The following CWF19L2 variants were observed in gnomAD, a reference collection of about 807,000 sequenced individuals.
The protein encoded by CWF19L2 is CWF19 like cell cycle control factor 2, also known as CWF19-like protein 2.
CWF19L2 carries 98 observed loss-of-function variants against 111.7 expected under a neutral mutation model. The observed-to-expected ratio is 0.88, with a 90% CI of 0.75 to 1.04. CWF19L2 has a LOEUF of 1.04. Among genes scored for constraint, CWF19L2 ranks in the 50% least tolerant of loss-of-function variants. CWF19L2 has a pLI of 0.00. For missense variants in CWF19L2, 1,101 were observed against 1,051.4 expected, an observed-to-expected ratio of 1.05 and a Z score of -0.65; for synonymous variants, 351 against 342.9, an observed-to-expected ratio of 1.02 and a Z score of -0.26.
intron 6 of CWF19L2, among the ~76,000 whole-genome samples, chr11:107,437,988 C>T (rs1283372055): frequency 6.6e-6 from 1 of 152,050 alleles, no homozygotes; most frequent in Non-Finnish European, 1.5e-5. Context: ...TCAGCAGGGA[C>T]ACTTCTGCCT....
At chr11:107,445,922 C>G (rs373032822) in intron 3 of CWF19L2, among the ~76,000 whole-genome samples, 22 of 151,990 alleles carry the variant, frequency 1.4e-4, no homozygotes, top group African/African-American at 5.3e-4. Context: ...TAGATGTAAA[C>G]AAAAGTATTT....
chr11:107,398,250 A>C (rs1860951517), intron 10 of CWF19L2, among the ~76,000 whole-genome samples: 1 of 152,246 alleles, frequency 6.6e-6, no homozygotes, highest in Admixed American at 6.5e-5. Flanking sequence ...GACCAGAGAA[A>C]GGCAAAGCCC....
intron 12 of CWF19L2, among the ~76,000 whole-genome samples, chr11:107,360,137 T>C (rs899563791): frequency 6.6e-6 from 1 of 152,226 alleles, no homozygotes; most frequent in African/African-American, 2.4e-5. Flanking sequence ...TGAGTCTCTA[T>C]TTTCTATTAT....
chr11:107,390,079 A>G lies in CWF19L2; in HGVS notation c.1867T>C (p.Ser623Pro). The G allele has an allele frequency of 1.2e-6, 2 of 1,612,576 alleles. No homozygotes were observed. The highest frequency in any genetic ancestry group is 8.5e-7 in the Non-Finnish European group (1 of 1,179,330). Residue 623 changes from serine to proline, a missense_variant, in exon 12 of 18, where the codon TCT (serine) becomes CCT (proline). Physicochemically the swap from Ser to Pro is moderately conservative, Grantham distance 74 (BLOSUM62 -1). Coordinates refer to ENST00000282251, the MANE Select transcript of CWF19L2 (RefSeq NM_152434.3). Reference protein sequence around the residue: ...NQNKLFMRMASKFMGKTDGDY... With the variant: ...NQNKLFMRMAPKFMGKTDGDY... The stretch of plus-strand genomic sequence containing the variant: ...ATCCTAGGAATATATCTTACCTTAG[A>G]TGCCATTCTCATAAAGAGCTTGTTT...
intron 12 of CWF19L2, among the ~76,000 whole-genome samples, chr11:107,358,000 T>C (rs1286295702): frequency 6.6e-6 from 1 of 152,130 alleles, no homozygotes; most frequent in African/African-American, 2.4e-5. Flanking sequence ...TTATACAAAA[T>C]CAATTTGGCG....
At chr11:107,330,644 CCACACACACACACA>C (rs56313409) in intron 16 of CWF19L2, among the ~76,000 whole-genome samples, 31,140 of 121,560 alleles carry the variant, frequency 0.26, 3,887 homozygotes, top group Non-Finnish European at 0.3. Context: ...ACCCCCCCCA[CCACACACACACACA>C]CACACACACA....
In CWF19L2 at chr11:107,445,442, A is replaced by G. The variant is rs904139745; in HGVS notation, c.340-2393T>C. ...AAGATGGTGAAACCCCATCTCTACT[A>G]AAAATACAAAAATTAGCCAGATGTG... On this transcript the variant is annotated intron_variant, in intron 3 of 17. Coordinates refer to ENST00000282251, the MANE Select transcript of CWF19L2 (RefSeq NM_152434.3). 5.3e-5 allele frequency among the ~76,000 whole-genome samples: 8 copies of G among 152,072 alleles called. No homozygotes were observed. The South Asian group carries it at 1.5e-3, about 28-fold the overall frequency.
intron 17 of CWF19L2, among the ~76,000 whole-genome samples, chr11:107,327,550 T>C (rs1859779381): frequency 6.6e-6 from 1 of 152,246 alleles, no homozygotes. Context: ...CCTATTGTAA[T>C]ACTAGTTTAA....
intron 12 of CWF19L2, among the ~76,000 whole-genome samples, chr11:107,371,012 C>CT (rs577136063): frequency 0.32 from 32,231 of 100,022 alleles, 8,613 homozygotes; most frequent in Non-Finnish European, 0.39. Context: ...TCTAGTTTCT[C>CT]TTTTTTTTTT....
chr11:107,448,343 CAAAAAA>C (rs61259014), intron 3 of CWF19L2, among the ~76,000 whole-genome samples: 11 of 54,890 alleles, frequency 2.0e-4, no homozygotes, highest in South Asian at 8.2e-4. Context: ...GACTCCGTCA[CAAAAAA>C]AAAAAAAAAA....
intron 13 of CWF19L2, among the ~76,000 whole-genome samples, chr11:107,353,174 C>T (rs183558043): frequency 7.2e-5 from 11 of 152,176 alleles, no homozygotes; most frequent in Admixed American, 3.3e-4. Flanking sequence ...TATTTACTGC[C>T]TTATTTCACT....
intron 9 of CWF19L2, among the ~76,000 whole-genome samples, chr11:107,416,548 T>C (rs373768690): frequency 4.6e-5 from 7 of 152,278 alleles, no homozygotes; most frequent in East Asian, 1.9e-4. Flanking sequence ...TTGGAAGAGA[T>C]AGATGAAGGA....
rs1030857994 is a variant in CWF19L2, at chr11:107,454,365, T to C, written c.339+85A>G. On this transcript the variant is annotated intron_variant, in intron 3 of 17. Transcript: ENST00000282251. ...AACTAGTAATATATTTTTTACGTTTTCTTGTATTTTAACTTCCCATAAGTT... is the reference window on the plus strand; with the variant it reads ...AACTAGTAATATATTTTTTACGTTTCCTTGTATTTTAACTTCCCATAAGTT... 1.5e-5 allele frequency: 16 copies of C among 1,069,744 alleles called. No homozygotes were observed. The African/African-American group carries it at 2.6e-4, about 18-fold the overall frequency. The allele number at this position is 1,069,744 out of a possible 1,614,324, so 66.3% of individuals were successfully genotyped here. A position where few individuals can be genotyped will look rare whatever the true frequency, so the allele number is the denominator to read the frequency against.
chr11:107,371,251 C>A (rs1236503021), intron 12 of CWF19L2, among the ~76,000 whole-genome samples: 11 of 137,110 alleles, frequency 8.0e-5, no homozygotes, highest in Admixed American at 7.8e-4. Flanking sequence ...GATCTGCCCG[C>A]CTCGGCCTCC....
chr11:107,400,958 C>G (rs754765326), intron 10 of CWF19L2, among the ~76,000 whole-genome samples: 1 of 152,062 alleles, frequency 6.6e-6, no homozygotes, highest in Non-Finnish European at 1.5e-5. Context: ...GAATTAAAAA[C>G]AAAAATCACA....
chr11:107,404,106 G>A lies in CWF19L2; in HGVS notation c.1618-11211C>T. The A allele has an allele frequency of 1.2e-5, 9 of 774,300 alleles. No individual in the cohort carries two copies. In the South Asian group the frequency reaches 1.2e-4, roughly 10 times the overall value. 48.0% of individuals were successfully genotyped at this position (774,300 alleles called of 1,614,324 possible). On this transcript the variant is annotated intron_variant, in intron 10 of 17. Coordinates refer to ENST00000282251, the MANE Select transcript of CWF19L2 (RefSeq NM_152434.3). ...TCATATATGGTTCTCCTTTCTCCAT[G>A]TGAGACTGTCTCTGTCGACTTTCTT...
At chr11:107,427,418 C>T (rs1028287297) in intron 8 of CWF19L2, among the ~76,000 whole-genome samples, 3 of 151,848 alleles carry the variant, frequency 2.0e-5, no homozygotes, top group African/African-American at 7.3e-5. Flanking sequence ...GTCTTCAAAC[C>T]GAAAAATTAT....
At position 107,402,871 on chromosome 11, in the gene CWF19L2, G is replaced by GTATATA. The variant is rs767099135; in HGVS notation, c.1618-9977_1618-9976insTATATA. 7.0e-3 allele frequency among the ~76,000 whole-genome samples: 397 copies of GTATATA among 56,976 alleles called. 38 individuals are homozygous for GTATATA. Among genetic ancestry groups the GTATATA allele is most frequent in the Middle Eastern group, 0.016 (2 of 124 alleles). 37.4% of individuals were successfully genotyped at this position (56,976 alleles called of 152,430 possible). A position where few individuals can be genotyped will look rare whatever the true frequency, so the allele number is the denominator to read the frequency against. ...AACGAGTGGATAAACAAACTGTGGT[G>GTATATA]TGTATATATATATATATATATATAT... On this transcript the variant is annotated intron_variant, in intron 10 of 17. Coordinates refer to ENST00000282251, the MANE Select transcript of CWF19L2 (RefSeq NM_152434.3).
chr11:107,455,555 T>C, intron 2 of CWF19L2, 111 bp downstream of exon 2: 1 of 603,602 alleles, frequency 1.7e-6, no homozygotes, highest in South Asian at 2.6e-5. Flanking sequence ...TATGTGATAT[T>C]CATTTTGTAA....
Sources: allele counts gnomAD v4.1 joint callset (sites outside exome capture counted in the v4.1 genomes callset), GRCh38; gene constraint gnomAD v4.1.1; transcripts MANE v1.5; gene names NCBI Gene and HGNC (gene_info 2026-07-23, HGNC 2026-07-21).